The following NKAIN2 variants were observed in gnomAD, a reference collection of about 807,000 sequenced individuals.
NKAIN2 encodes the protein sodium/potassium-transporting ATPase subunit beta-1-interacting protein 2.
Under a neutral mutation model 32.6 loss-of-function variants are expected in NKAIN2, and 14 were observed. That is an observed-to-expected ratio of 0.43 (90% CI 0.28 to 0.67). The LOEUF (loss-of-function observed/expected upper bound fraction) is 0.67. Ranked by LOEUF, NKAIN2 falls within the 30% of genes least tolerant of loss-of-function variation. The pLI, the probability that NKAIN2 is intolerant of heterozygous loss-of-function variation, is 0.17. For synonymous variants in NKAIN2, 80 were observed against 87.2 expected, an observed-to-expected ratio of 0.92 and a Z score of 0.46; for missense variants, 198 against 258.3, an observed-to-expected ratio of 0.77 and a Z score of 1.60.
At chr6:124,753,774 A>G (rs1033008362) in intron 4 of NKAIN2, among the ~76,000 whole-genome samples, 5 of 152,056 alleles carry the variant, frequency 3.3e-5, no homozygotes, top group African/African-American at 1.2e-4. Context: ...TTGTTGCCCC[A>G]GGGAGGTGTA....
intron 4 of NKAIN2, among the ~76,000 whole-genome samples, chr6:124,776,762 T>A (rs535601830): frequency 6.6e-6 from 1 of 152,284 alleles, no homozygotes; most frequent in East Asian, 1.9e-4. Context: ...TCCACTGTTT[T>A]TTTCTTTAGC....
chr6:124,009,524 T>C (rs1010748096), intron 1 of NKAIN2, among the ~76,000 whole-genome samples: 1 of 151,982 alleles, frequency 6.6e-6, no homozygotes, highest in African/African-American at 2.4e-5. Context: ...CTGCATACCC[T>C]ACAATGTCTT....
At chr6:123,839,486 A>C (rs1774774972) in intron 1 of NKAIN2, among the ~76,000 whole-genome samples, 1 of 152,106 alleles carries the variant, frequency 6.6e-6, no homozygotes, top group Non-Finnish European at 1.5e-5. Flanking sequence ...TTACTCCTAA[A>C]CAACACAAAA....
At chr6:123,894,453 G>T (rs192357012) in intron 1 of NKAIN2, among the ~76,000 whole-genome samples, 5 of 152,328 alleles carry the variant, frequency 3.3e-5, no homozygotes, top group Non-Finnish European at 4.4e-5. Context: ...CACAGATTGT[G>T]AAGGTTAGAG....
In NKAIN2 at chr6:124,658,561, T is replaced by G. The variant is rs978734959; in HGVS notation, c.474+175T>G. The G allele has an allele frequency of 2.1e-6, 3 of 1,429,380 alleles. No homozygotes were observed. In the African/African-American group the frequency reaches 4.3e-5, roughly 21 times the overall value. 88.5% of individuals were successfully genotyped at this position (1,429,380 alleles called of 1,614,324 possible). On this transcript the variant is annotated intron_variant, in intron 4 of 6. Transcript: ENST00000368417. ...GTTAAACTAAACCATCCTCTGGACT[T>G]AGTGTGCTGATTTTCTTCGACAATT...
At chr6:124,617,871 C>A (rs753258580) in intron 3 of NKAIN2, among the ~76,000 whole-genome samples, 1 of 151,976 alleles carries the variant, frequency 6.6e-6, no homozygotes, top group Non-Finnish European at 1.5e-5. Context: ...AGGAATAATT[C>A]AAATAACCAG....
At chr6:124,408,358 T>G (rs1773971256) in intron 3 of NKAIN2, among the ~76,000 whole-genome samples, 1 of 152,226 alleles carries the variant, frequency 6.6e-6, no homozygotes, top group African/African-American at 2.4e-5. Context: ...TAATCCATCT[T>G]GAATTAATTT....
At chr6:124,380,610 A>G (rs1361609060) in intron 3 of NKAIN2, among the ~76,000 whole-genome samples, 1 of 152,184 alleles carries the variant, frequency 6.6e-6, no homozygotes, top group Admixed American at 6.5e-5. Flanking sequence ...TGGTGCAAGA[A>G]GTCTCATCTG....
At chr6:124,421,924 G>A (rs960005864) in intron 3 of NKAIN2, among the ~76,000 whole-genome samples, 8 of 152,072 alleles carry the variant, frequency 5.3e-5, no homozygotes, top group African/African-American at 1.9e-4. Context: ...TTTCTCAATT[G>A]CCTTCTGTTC....
rs73565640 is a variant in NKAIN2, at chr6:124,280,778, T to C, written c.55-2227T>C. 6.2e-3 allele frequency among the ~76,000 whole-genome samples: 946 copies of C among 152,300 alleles called. 11 individuals are homozygous for C. Among genetic ancestry groups the C allele is most frequent in the African/African-American group, 0.021 (892 of 41,552 alleles). On this transcript the variant is annotated intron_variant, in intron 1 of 6. Coordinates refer to ENST00000368417, the MANE Select transcript of NKAIN2 (RefSeq NM_001040214.3). ...CTACACATATTATAACCCTTACACT[T>C]ACTGAACTTTTCAGACAATCTTGCA... is the stretch of plus-strand genomic sequence containing the variant.
At chr6:123,869,696 A>C (rs1772766452) in intron 1 of NKAIN2, among the ~76,000 whole-genome samples, 1 of 152,172 alleles carries the variant, frequency 6.6e-6, no homozygotes, top group Admixed American at 6.5e-5. Context: ...GTTTCTATTT[A>C]GTTTACTTAA....
chr6:124,755,549 T>C (rs1321063032), intron 4 of NKAIN2, among the ~76,000 whole-genome samples: 1 of 152,208 alleles, frequency 6.6e-6, no homozygotes, highest in Non-Finnish European at 1.5e-5. Context: ...AATGAGATTA[T>C]GTCCTCTGCA....
chr6:123,809,402 T>TTA (rs1254293205), intron 1 of NKAIN2, among the ~76,000 whole-genome samples: 1 of 152,074 alleles, frequency 6.6e-6, no homozygotes, highest in Non-Finnish European at 1.5e-5. Flanking sequence ...AGGATGGAAA[T>TTA]AAAATTATAT....
intron 4 of NKAIN2, among the ~76,000 whole-genome samples, chr6:124,708,943 T>C (rs921430363): frequency 6.1e-5 from 9 of 148,672 alleles, no homozygotes; most frequent in Non-Finnish European, 1.0e-4. Context: ...GCTTCCAGTT[T>C]CTGCCCATTC....
chr6:124,421,188 C>T (rs1219373692), intron 3 of NKAIN2, among the ~76,000 whole-genome samples: 1 of 151,608 alleles, frequency 6.6e-6, no homozygotes, highest in East Asian at 1.9e-4. Flanking sequence ...GGGTTTTTTC[C>T]ACTTCTCCCC....
At chr6:124,183,923 A>C (rs901978518) in intron 1 of NKAIN2, among the ~76,000 whole-genome samples, 10 of 152,290 alleles carry the variant, frequency 6.6e-5, no homozygotes, top group African/African-American at 2.4e-4. Context: ...ATAGTGATGA[A>C]TAGAGACATC....
At chr6:124,126,538 A>G (rs1030695259) in intron 1 of NKAIN2, among the ~76,000 whole-genome samples, 4 of 152,170 alleles carry the variant, frequency 2.6e-5, no homozygotes, top group Non-Finnish European at 5.9e-5. Flanking sequence ...GTCTTATTGA[A>G]AGCCACCTCT....
At chr6:124,264,329 C>A (rs143980102) in intron 1 of NKAIN2, among the ~76,000 whole-genome samples, 1 of 152,168 alleles carries the variant, frequency 6.6e-6, no homozygotes, top group African/African-American at 2.4e-5. Flanking sequence ...TTGCCTCTGT[C>A]ACTGCCCAGT....
chr6:124,113,889 G>A (rs982877474), intron 1 of NKAIN2, among the ~76,000 whole-genome samples: 2 of 152,158 alleles, frequency 1.3e-5, no homozygotes, highest in Non-Finnish European at 2.9e-5. Flanking sequence ...TGGCTGAATC[G>A]ATATGCTTGT....
Sources: gnomAD v4.1 joint callset for allele counts (sites outside exome capture counted in the v4.1 genomes callset) on GRCh38, gnomAD v4.1.1 for gene constraint, MANE v1.5 for transcripts, NCBI Gene and HGNC (gene_info 2026-07-23, HGNC 2026-07-21) for gene names.